NCR1: variants seen among roughly 807,000 people sequenced by gnomAD.
NCR1 encodes the protein natural cytotoxicity triggering receptor 1.
A neutral mutation model predicts 32.5 loss-of-function variants in NCR1; 30 were observed. The observed-to-expected ratio is 0.92, with a 90% CI of 0.69 to 1.25. NCR1 has a LOEUF of 1.25. Among genes scored for constraint, NCR1 ranks in the 50% most tolerant of loss-of-function variants. The pLI, the probability that NCR1 is intolerant of heterozygous loss-of-function variation, is 0.00. For synonymous variants in NCR1, 169 were observed against 143.4 expected (o/e 1.18, Z -1.28); for missense variants, 369 against 380.7 (o/e 0.97, Z 0.26).
chr19:54,903,353 T>C (rs2067344347), upstream of NCR1, among the ~76,000 whole-genome samples: 2 of 119,788 alleles, frequency 1.7e-5, no homozygotes, highest in African/African-American at 3.6e-5. Flanking sequence ...CATATATGCA[T>C]ATATACATAC....
At chr19:54,903,317 C>T (rs185265310), upstream of NCR1, among the ~76,000 whole-genome samples, 59 of 122,178 alleles carry the variant, frequency 4.8e-4, 1 homozygote, top group Admixed American at 1.2e-3. Flanking sequence ...TGTATACATA[C>T]ATGTATATAT....
chr19:54,934,615 A>C, the NCR1 span: 2 of 1,614,070 alleles, frequency 1.2e-6, no homozygotes. This position sits in a 1 kb window ranked among gnomAD's most constrained non-coding sequence, Gnocchi z 6.7. Flanking sequence ...GAGGACATAG[A>C]AGAATTCAGC....
chr19:54,903,618 A>G (rs765150488), upstream of NCR1, among the ~76,000 whole-genome samples: 107 of 146,174 alleles, frequency 7.3e-4, no homozygotes, highest in Middle Eastern at 0.024. Context: ...GTGTATATAT[A>G]CATGTACGGT....
the NCR1 span, among the ~76,000 whole-genome samples, chr19:54,899,754 G>GA: frequency 6.6e-6 from 1 of 152,222 alleles, no homozygotes; most frequent in Non-Finnish European, 1.5e-5. Context: ...CACTAAGGGT[G>GA]AAGGACCAAG....
chr19:54,922,987 T>TAC, the NCR1 span, among the ~76,000 whole-genome samples: 83 of 149,414 alleles, frequency 5.6e-4, no homozygotes, highest in African/African-American at 1.5e-3. Context: ...GAGAGACACA[T>TAC]ACACACACAC....
the NCR1 span, among the ~76,000 whole-genome samples, chr19:54,937,311 A>G: frequency 6.6e-6 from 1 of 152,070 alleles, no homozygotes; most frequent in African/African-American, 2.4e-5. Context: ...CTGTACAACA[A>G]ACTCCTATGA....
At chr19:54,911,265 C>T (rs1379953498) in intron 5 of NCR1, among the ~76,000 whole-genome samples, 3 of 150,994 alleles carry the variant, frequency 2.0e-5, no homozygotes, top group African/African-American at 4.9e-5. Flanking sequence ...AGGAGAATGG[C>T]GTGAACCCGG....
At chr19:54,923,659 A>C in the NCR1 span, 1 of 1,466,498 alleles carries the variant, frequency 6.8e-7, no homozygotes, top group Admixed American at 1.7e-5. Context: ...TTAACATGTG[A>C]CCCTCTGACC....
the NCR1 span, among the ~76,000 whole-genome samples, chr19:54,932,653 GTT>G: frequency 3.3e-5 from 5 of 150,960 alleles, no homozygotes; most frequent in African/African-American, 1.2e-4. Context: ...TTTTTGTTGA[GTT>G]TTTTTTTGTT....
chr19:54,919,759 G>A (rs541863391), downstream of NCR1, among the ~76,000 whole-genome samples: 7 of 144,258 alleles, frequency 4.9e-5, no homozygotes, highest in Admixed American at 2.2e-4. Context: ...GCTAAGTAGC[G>A]GGTGTTGTTA....
At chr19:54,910,713 G>A (rs1007848986) in intron 5 of NCR1, among the ~76,000 whole-genome samples, 10 of 152,084 alleles carry the variant, frequency 6.6e-5, no homozygotes, top group African/African-American at 2.2e-4. Context: ...ACACACCATC[G>A]GTCAACGTCA....
chr19:54,917,551 C>A (rs143781764), downstream of NCR1, among the ~76,000 whole-genome samples: 454 of 152,174 alleles, frequency 3.0e-3, 4 homozygotes, highest in African/African-American at 0.011. Flanking sequence ...GAACTCCCGA[C>A]CTCATGTGAT....
the NCR1 span, among the ~76,000 whole-genome samples, chr19:54,931,703 A>G: frequency 1.3e-4 from 20 of 150,714 alleles, no homozygotes; most frequent in Non-Finnish European, 3.0e-5. Flanking sequence ...AAAAAAAATT[A>G]GCCAGGTGTG....
At chr19:54,898,701 C>A in the NCR1 span, among the ~76,000 whole-genome samples, 1 of 152,066 alleles carries the variant, frequency 6.6e-6, no homozygotes. Context: ...GCCAAATGAG[C>A]CATGAACTGG....
chr19:54,931,841 T>C, the NCR1 span, among the ~76,000 whole-genome samples: 1 of 148,314 alleles, frequency 6.7e-6, no homozygotes. Context: ...AGAGAGAGAC[T>C]GTTAAAAAAA....
the NCR1 span, among the ~76,000 whole-genome samples, chr19:54,937,798 G>A: frequency 6.6e-6 from 1 of 150,878 alleles, no homozygotes; most frequent in Admixed American, 6.6e-5. Flanking sequence ...TCGGGAGGCT[G>A]AGGCAGGAGA....
At chr19:54,937,827 G>A in the NCR1 span, among the ~76,000 whole-genome samples, 1 of 149,894 alleles carries the variant, frequency 6.7e-6, no homozygotes. Flanking sequence ...AACCTGGGAG[G>A]TGGAGGATGC....
chr19:54,914,941 T>G (rs1022911580), downstream of NCR1, among the ~76,000 whole-genome samples: 11 of 151,886 alleles, frequency 7.2e-5, no homozygotes, highest in Non-Finnish European at 1.0e-4. Flanking sequence ...TAGGGTTTCA[T>G]CATGTTGCCC....
chr19:54,919,572 C>T (rs1442001764), downstream of NCR1, among the ~76,000 whole-genome samples: 2 of 152,116 alleles, frequency 1.3e-5, no homozygotes, highest in Non-Finnish European at 2.9e-5. Context: ...TGAAGGCGGA[C>T]TAGGAGCGTG....
Sources: gnomAD v4.1 joint callset for allele counts (sites outside exome capture counted in the v4.1 genomes callset) on GRCh38, gnomAD v4.1.1 for gene constraint, Gnocchi (gnomAD v3.1) non-coding constraint, MANE v1.5 for transcripts, NCBI Gene and HGNC (gene_info 2026-07-23, HGNC 2026-07-21) for gene names.